The following AHI1 variants were observed in gnomAD, a reference collection of about 807,000 sequenced individuals.
AHI1 encodes the protein Abelson helper integration site 1.
In AHI1, 123 loss-of-function variants were observed where a neutral mutation model predicts 149.3. The observed-to-expected ratio is 0.82, with a 90% confidence interval of 0.71 to 0.96. AHI1 has a LOEUF of 0.96. Ranked by LOEUF, AHI1 falls within the 40% of genes least tolerant of loss-of-function variation. AHI1 has a pLI of 0.00. For synonymous variants in AHI1, 475 were observed against 459.8 expected, an observed-to-expected ratio of 1.03 and a Z score of -0.42; for missense variants, 1,439 against 1,422.7, an observed-to-expected ratio of 1.01 and a Z score of -0.18.
intron 23 of AHI1, among the ~76,000 whole-genome samples, chr6:135,386,504 G>A (rs1490699325): frequency 6.6e-6 from 1 of 152,038 alleles, no homozygotes; most frequent in East Asian, 1.9e-4. Flanking sequence ...TAGAGACGGG[G>A]TTTCACCGTG....
At chr6:135,456,355 A>G (rs922160096) in intron 9 of AHI1, among the ~76,000 whole-genome samples, 4 of 152,210 alleles carry the variant, frequency 2.6e-5, no homozygotes, top group Admixed American at 2.0e-4. Context: ...AGCCTGGGTA[A>G]CATGATGAAA....
chr6:135,479,907 T>C (rs940394076), intron 5 of AHI1, among the ~76,000 whole-genome samples: 1 of 152,112 alleles, frequency 6.6e-6, no homozygotes, highest in African/African-American at 2.4e-5. Flanking sequence ...ATCCTGTTGT[T>C]TGAAAGTGTG....
intron 13 of AHI1, among the ~76,000 whole-genome samples, chr6:135,443,783 T>C (rs1786711979): frequency 6.6e-6 from 1 of 152,180 alleles, no homozygotes; most frequent in Admixed American, 6.6e-5. Flanking sequence ...CTCCCCATCC[T>C]TTCTCTGCAT....
rs1334459974 is a variant in AHI1 at position 135,382,916 on chromosome 6, AAAAAAAAAAAATAT to A, written c.3109+11846_3109+11859del. Among the ~76,000 whole-genome samples, 5 of 105,710 alleles carry A rather than the reference AAAAAAAAAAAATAT, an allele frequency of 4.7e-5. No homozygotes were observed. In the South Asian group the frequency reaches 1.3e-3, roughly 28 times the overall value. 69.3% of individuals were successfully genotyped at this position (105,710 alleles called of 152,430 possible). ...TAGTAAAAAAAAAAAAAAAAAAAAA[AAAAAAAAAAAATAT>A]ATATATATATATATATATATATATA... is the stretch of plus-strand genomic sequence containing the variant. On this transcript the variant is annotated intron_variant, in intron 23 of 28. Coordinates refer to ENST00000265602, the MANE Select transcript of AHI1 (RefSeq NM_001134831.2).
At chr6:135,344,869 C>G (rs892049400) in intron 24 of AHI1, among the ~76,000 whole-genome samples, 23 of 151,370 alleles carry the variant, frequency 1.5e-4, no homozygotes, top group African/African-American at 5.6e-4. Flanking sequence ...AAGCCTACTT[C>G]AACTCCATTT....
At chr6:135,327,504 GTGTTATAA>G (rs1413005541) in intron 24 of AHI1, among the ~76,000 whole-genome samples, 3 of 152,168 alleles carry the variant, frequency 2.0e-5, no homozygotes, top group African/African-American at 7.2e-5. Context: ...TCACAGTGTG[GTGTTATAA>G]TATGTATTAT....
At chr6:135,364,277 C>T (rs1277049031) in intron 23 of AHI1, among the ~76,000 whole-genome samples, 4 of 150,268 alleles carry the variant, frequency 2.7e-5, no homozygotes, top group Non-Finnish European at 4.5e-5. Context: ...GAGGTGCTCC[C>T]CACATCTCAG....
At position 135,435,930 on chromosome 6, in the gene AHI1, C is replaced by CT. The variant is rs760717027; in HGVS notation, c.2036+2444dup. ...AAAGAAAGAAGAGATGAACACCACT[C>CT]TGAGTTTTCAGCTTGGGAGATGGTG... On this transcript the variant is annotated intron_variant, in intron 15 of 28. Transcript: ENST00000265602. 3.3e-5 allele frequency among the ~76,000 whole-genome samples: 5 copies of CT among 152,214 alleles called. No individual in the cohort carries two copies. The East Asian group carries it at 7.7e-4, about 24-fold the overall frequency.
Position 135,467,591 on chromosome 6 carries a change from G to A in AHI1, c.179C>T (p.Thr60Ile). ...RSNLHYMKET[T>I]SDDPDTIRSN... ...GTTAGCAGTACTTACATCATCACTT[G>A]TAGTTTCTTTCATATAGTGAAGATT... Residue 60 changes from threonine to isoleucine, a missense_variant, in exon 6 of 29, where the codon ACA becomes ATA. Coordinates refer to ENST00000265602, the MANE Select transcript of AHI1 (RefSeq NM_001134831.2). 6.2e-7 allele frequency: 1 copy of A among 1,609,306 alleles called. No homozygotes were observed. The highest frequency in any genetic ancestry group is 8.5e-7 in the Non-Finnish European group (1 of 1,176,428).
chr6:135,301,495 A>C, intron 26 of AHI1: 1 of 985,432 alleles, frequency 1.0e-6, no homozygotes, highest in Non-Finnish European at 1.2e-6. Flanking sequence ...CCTTCTTCAC[A>C]ATCAGATTTC....
At chr6:135,465,730 T>C in intron 7 of AHI1, 84 bp downstream of exon 7, 6 of 1,178,984 alleles carry the variant, frequency 5.1e-6, no homozygotes, top group Non-Finnish European at 6.8e-6. Context: ...GAATTTTCTT[T>C]GTTAAACCAC....
chr6:135,475,994 T>C (rs1792567568), intron 5 of AHI1, among the ~76,000 whole-genome samples: 1 of 152,230 alleles, frequency 6.6e-6, no homozygotes, highest in Non-Finnish European at 1.5e-5. Flanking sequence ...TTCTTATTTC[T>C]ATCCTGTGTT....
chr6:135,431,987 T>A lies in AHI1; in HGVS notation c.2267-673A>T, dbSNP rs1399416133. On this transcript the variant is annotated intron_variant, in intron 16 of 28. Transcript: ENST00000265602. ...CCCACCTCTACCCACTGGAGTAACATGGACCAATTTCCTTTTTTTTTTTTT... is the reference window on the plus strand; with the variant it reads ...CCCACCTCTACCCACTGGAGTAACAAGGACCAATTTCCTTTTTTTTTTTTT... Among the ~76,000 whole-genome samples the A allele has an allele frequency of 3.0e-5, 4 of 133,266 alleles. No homozygotes were observed. In the East Asian group the frequency reaches 8.8e-4, roughly 29 times the overall value. 87.4% of individuals were successfully genotyped at this position (133,266 alleles called of 152,430 possible).
At chr6:135,391,687 C>A (rs995476850) in intron 23 of AHI1, among the ~76,000 whole-genome samples, 2 of 152,140 alleles carry the variant, frequency 1.3e-5, no homozygotes, top group Non-Finnish European at 2.9e-5. Flanking sequence ...AACCACTCCC[C>A]AGCCATACCA....
intron 24 of AHI1, among the ~76,000 whole-genome samples, chr6:135,338,981 G>T (rs552512288): frequency 6.7e-6 from 1 of 148,982 alleles, no homozygotes; most frequent in Admixed American, 6.7e-5. Flanking sequence ...AGACTGGAGC[G>T]CAGTGGTGCA....
At chr6:135,431,163 C>T in intron 17 of AHI1, 45 bp downstream of exon 17, 1 of 1,320,416 alleles carries the variant, frequency 7.6e-7, no homozygotes, top group South Asian at 1.3e-5. Context: ...TGGATTTTTC[C>T]AACTTCTTTA....
chr6:135,310,120 T>G (rs569357112), intron 26 of AHI1, among the ~76,000 whole-genome samples: 3 of 152,296 alleles, frequency 2.0e-5, no homozygotes, highest in African/African-American at 7.2e-5. Context: ...TGTTTCACCA[T>G]AACAAAAATC....
intron 24 of AHI1, among the ~76,000 whole-genome samples, chr6:135,355,718 G>A (rs1424230093): frequency 2.6e-5 from 4 of 152,196 alleles, no homozygotes; most frequent in African/African-American, 9.6e-5. Context: ...GACCTACACG[G>A]TGAAACCCCA....
At chr6:135,364,929 G>A (rs1582841879) in intron 23 of AHI1, among the ~76,000 whole-genome samples, 1 of 151,972 alleles carries the variant, frequency 6.6e-6, no homozygotes, top group Non-Finnish European at 1.5e-5. Context: ...GGAAGAGGGA[G>A]AGGGAGAGGG....
Sources: allele counts gnomAD v4.1 joint callset (sites outside exome capture counted in the v4.1 genomes callset), GRCh38; gene constraint gnomAD v4.1.1; transcripts MANE v1.5; gene names NCBI Gene and HGNC (gene_info 2026-07-23, HGNC 2026-07-21).